Variants in GPBP1 observed in about 807,000 individuals in gnomAD.
The protein encoded by GPBP1 is vasculin.
GPBP1 carries 13 observed loss-of-function variants against 56.5 expected under a neutral mutation model. The ratio of observed to expected loss-of-function variants is 0.23; its 90% CI spans 0.15 to 0.37. GPBP1 has a LOEUF of 0.37. Ranked by LOEUF, GPBP1 falls within the 10% of genes least tolerant of loss-of-function variation. The probability of loss-of-function intolerance (pLI) is 1.00; values close to 1 mark genes in which losing one functional copy is unlikely to be tolerated. For missense variants in GPBP1, 477 were observed against 572.3 expected (o/e 0.83, Z 1.70); for synonymous variants, 204 against 188.9 (o/e 1.08, Z -0.66).
At chr5:57,219,049 C>T (rs1188130646) in intron 3 of GPBP1, among the ~76,000 whole-genome samples, 1 of 151,950 alleles carries the variant, frequency 6.6e-6, no homozygotes, top group African/African-American at 2.4e-5. Flanking sequence ...TTTTGGAATT[C>T]TGTAAAATGA....
chr5:57,187,049 T>G (rs1181784816), intron 2 of GPBP1, among the ~76,000 whole-genome samples: 1 of 151,960 alleles, frequency 6.6e-6, no homozygotes, highest in Admixed American at 6.6e-5. Context: ...TATGTATGTT[T>G]GTATGTATTA....
chr5:57,229,145 C>T (rs1266906435), intron 3 of GPBP1, among the ~76,000 whole-genome samples: 1 of 145,864 alleles, frequency 6.9e-6, no homozygotes, highest in Non-Finnish European at 1.5e-5. Flanking sequence ...GCAGGAGAAT[C>T]GCTGGAACCC....
intron 3 of GPBP1, among the ~76,000 whole-genome samples, chr5:57,223,646 C>T (rs906520189): frequency 1.3e-5 from 2 of 151,886 alleles, no homozygotes; most frequent in Non-Finnish European, 2.9e-5. Context: ...CTCACACCTC[C>T]GTAAGGCTGT....
chr5:57,187,368 A>G (rs1474778524), intron 2 of GPBP1, among the ~76,000 whole-genome samples: 2 of 152,186 alleles, frequency 1.3e-5, no homozygotes, highest in East Asian at 1.9e-4. Flanking sequence ...CTTATTTACT[A>G]TGATATATTA....
intron 2 of GPBP1, among the ~76,000 whole-genome samples, chr5:57,201,820 C>A (rs896675404): frequency 6.6e-6 from 1 of 152,042 alleles, no homozygotes; most frequent in East Asian, 1.9e-4. Flanking sequence ...TGTTAACATT[C>A]AGTAATTGCT....
intron 2 of GPBP1, among the ~76,000 whole-genome samples, chr5:57,177,472 G>A (rs759229135): frequency 4.6e-5 from 7 of 151,640 alleles, no homozygotes; most frequent in African/African-American, 9.7e-5. Flanking sequence ...TTTCTGAGAC[G>A]AAAGACTAAT....
At chr5:57,177,916 G>C (rs192810855) in intron 2 of GPBP1, among the ~76,000 whole-genome samples, 92 of 152,042 alleles carry the variant, frequency 6.1e-4, no homozygotes, top group African/African-American at 1.5e-3. Context: ...AGCTCCCATA[G>C]AGTGAAAGTG....
At chr5:57,178,775 C>T (rs938734428) in intron 2 of GPBP1, among the ~76,000 whole-genome samples, 1 of 152,128 alleles carries the variant, frequency 6.6e-6, no homozygotes, top group Non-Finnish European at 1.5e-5. Context: ...TAGTTGCATC[C>T]GTTGGTAATT....
intron 10 of GPBP1, among the ~76,000 whole-genome samples, chr5:57,259,015 G>GTCAT (rs1387552495): frequency 2.6e-5 from 4 of 152,212 alleles, no homozygotes; most frequent in African/African-American, 9.6e-5. Flanking sequence ...TGTATTAGGT[G>GTCAT]TCATTGAATG....
chr5:57,181,025 TTGAAAAC>T (rs1413393243), intron 2 of GPBP1, among the ~76,000 whole-genome samples: 1 of 152,166 alleles, frequency 6.6e-6, no homozygotes, highest in Non-Finnish European at 1.5e-5. Context: ...AAAATATAGT[TTGAAAAC>T]TGAATTAAGA....
At position 57,262,953 on chromosome 5, in the gene GPBP1, T is replaced by A; in HGVS notation, c.*201T>A. The stretch of plus-strand genomic sequence containing the variant: ...ATTATTTCTTTGTAAATGAATGTTG[T>A]AGGAATGAGGACTTGGGTTGGTCCA... On this transcript the variant is annotated 3_prime_UTR_variant, in exon 12 of 12. Transcript: ENST00000506184. The A allele has an allele frequency of 2.1e-6, 1 of 475,588 alleles. No individual in the cohort carries two copies. 29.5% of individuals were successfully genotyped at this position (475,588 alleles called of 1,614,324 possible).
At chr5:57,208,798 A>T in intron 2 of GPBP1, among the ~76,000 whole-genome samples, 1 of 151,554 alleles carries the variant, frequency 6.6e-6, no homozygotes, top group African/African-American at 2.4e-5. Flanking sequence ...CTGGGATTAC[A>T]GGTGCCTGCC....
chr5:57,262,504 A>G, intron 11 of GPBP1, 90 bp from the exon 12 acceptor site: 1 of 1,021,734 alleles, frequency 9.8e-7, no homozygotes, highest in South Asian at 1.6e-5. Context: ...TTGGGTTAGG[A>G]TACAATTTTA....
At chr5:57,249,607 A>G in intron 9 of GPBP1, 31 bp downstream of exon 9, 3 of 1,543,534 alleles carry the variant, frequency 1.9e-6, no homozygotes, top group Non-Finnish European at 2.7e-6. Context: ...ACTTGATTTG[A>G]CATTGATATG....
chr5:57,208,655 CTTTTT>C (rs70999065), intron 2 of GPBP1, among the ~76,000 whole-genome samples: 1 of 119,062 alleles, frequency 8.4e-6, no homozygotes. Flanking sequence ...TTTTGTTTTT[CTTTTT>C]TTTTTTTTTT....
In GPBP1 at chr5:57,263,319, CTA is replaced by C. The variant is rs1741988366; in HGVS notation, c.*569_*570del. On this transcript the variant is annotated 3_prime_UTR_variant, in exon 12 of 12. Coordinates refer to ENST00000506184, the MANE Select transcript of GPBP1 (RefSeq NM_022913.4). ...CAATTTCCTGAACTCACCTGTTGTA[CTA>C]TTCACCTTTTAAACCATAAATTGCT... The C allele has an allele frequency of 6.6e-6, 1 of 152,236 alleles. No homozygotes were observed. Among genetic ancestry groups the C allele is most frequent in the South Asian group, 2.1e-4 (1 of 4,832 alleles). The allele number at this position is 152,236 out of a possible 1,614,324, so 9.4% of individuals were successfully genotyped here.
chr5:57,249,969 C>T (rs1285523019), intron 9 of GPBP1, among the ~76,000 whole-genome samples: 1 of 10,476 alleles, frequency 9.5e-5, no homozygotes. Flanking sequence ...CTCCTTCCCC[C>T]TTCCCCCTCC....
chr5:57,251,217 T>G, intron 10 of GPBP1, 76 bp downstream of exon 10: 2 of 1,267,888 alleles, frequency 1.6e-6, no homozygotes, highest in Non-Finnish European at 2.2e-6. Flanking sequence ...TTTACGTGAT[T>G]TAACAGGTTT....
At chr5:57,219,653 C>T (rs1406753216) in intron 3 of GPBP1, among the ~76,000 whole-genome samples, 1 of 151,998 alleles carries the variant, frequency 6.6e-6, no homozygotes, top group East Asian at 1.9e-4. Flanking sequence ...TGCCTGGATG[C>T]ATATGGGTTT....
Sources: gnomAD v4.1 joint callset for allele counts (sites outside exome capture counted in the v4.1 genomes callset) on GRCh38, gnomAD v4.1.1 for gene constraint, MANE v1.5 for transcripts, NCBI Gene and HGNC (gene_info 2026-07-23, HGNC 2026-07-21) for gene names.